TAOK1: variants seen among roughly 807,000 people sequenced by gnomAD.
TAOK1 encodes TAO kinase 1.
In TAOK1, 21 loss-of-function variants were observed where a neutral mutation model predicts 138.3. The ratio of observed to expected loss-of-function variants is 0.15; its 90% confidence interval spans 0.11 to 0.22. The LOEUF is 0.22. Among genes scored for constraint, TAOK1 ranks in the 10% least tolerant of loss-of-function variants. The pLI, the probability that TAOK1 is intolerant of heterozygous loss-of-function variation, is 1.00. For missense variants in TAOK1, 651 were observed against 1,227.7 expected, an observed-to-expected ratio of 0.53 and a Z score of 7.02; for synonymous variants, 361 against 398.4, an observed-to-expected ratio of 0.91 and a Z score of 1.12.
chr17:29,517,329 A>G lies in TAOK1; in HGVS notation c.1705-124A>G, dbSNP rs2031836132. The G allele has an allele frequency of 8.4e-6, 7 of 834,470 alleles. No individual in the cohort carries two copies. The East Asian group carries it at 1.8e-4, about 21-fold the overall frequency. 51.7% of individuals were successfully genotyped at this position (834,470 alleles called of 1,614,324 possible). A position where few individuals can be genotyped will look rare whatever the true frequency, so the allele number is the denominator to read the frequency against. On this transcript the variant is annotated intron_variant, in intron 15 of 19. Coordinates refer to ENST00000261716, the MANE Select transcript of TAOK1 (RefSeq NM_020791.4). ...TAGAGACAGTTTCGCCATGTTGGCCAGGCTAGTCTCAAACTCCTGACCTCA... is the reference window on the plus strand; with the variant it reads ...TAGAGACAGTTTCGCCATGTTGGCCGGGCTAGTCTCAAACTCCTGACCTCA...
chr17:29,497,796 G>C (rs992964831), intron 11 of TAOK1, among the ~76,000 whole-genome samples: 1 of 151,034 alleles, frequency 6.6e-6, no homozygotes, highest in Non-Finnish European at 1.5e-5. Context: ...CTTATGAAAG[G>C]CTGATTTAAT....
intron 18 of TAOK1, 195 bp downstream of exon 18, chr17:29,530,814 T>C (rs1393686090): frequency 8.3e-6 from 5 of 601,586 alleles, no homozygotes; most frequent in African/African-American, 7.4e-5. Context: ...TTCTCATTGA[T>C]ACATTTAGAC....
chr17:29,531,028 C>T (rs1239720586), intron 18 of TAOK1, among the ~76,000 whole-genome samples: 2 of 129,334 alleles, frequency 1.5e-5, no homozygotes, highest in Middle Eastern at 5.5e-3. Context: ...GTGGCGCGAT[C>T]TCGGCTCACT....
chr17:29,393,179 T>C (rs1230906204), intron 1 of TAOK1, among the ~76,000 whole-genome samples: 1 of 152,198 alleles, frequency 6.6e-6, no homozygotes, highest in Admixed American at 6.6e-5. Context: ...TATTATGGCT[T>C]GTTGTTGATA....
At position 29,527,786 on chromosome 17, in the gene TAOK1, T is replaced by C. The variant is rs572659371; in HGVS notation, c.2149-2621T>C. On this transcript the variant is annotated intron_variant, in intron 17 of 19. Coordinates refer to ENST00000261716, the MANE Select transcript of TAOK1 (RefSeq NM_020791.4). ...AATGAATGTGTTCTCACTTGTAGGA[T>C]CAACTGGTACACCTTACAGAAACAG... Among the ~76,000 whole-genome samples the C allele has an allele frequency of 3.3e-5, 5 of 152,316 alleles. No individual in the cohort carries two copies. The East Asian group carries it at 9.6e-4, about 29-fold the overall frequency.
Position 29,517,598 on chromosome 17 carries a change from G to T in TAOK1, c.1850G>T (p.Arg617Leu), listed in dbSNP as rs760928461. 6.2e-7 allele frequency: 1 copy of T among 1,613,392 alleles called. No homozygotes were observed. Among genetic ancestry groups the T allele is most frequent in the Non-Finnish European group, 8.5e-7 (1 of 1,180,012 alleles). Reference sequence around the variant, plus strand: ...CAATACCTAGAGCTGGAATGCCGTCGCTTCAAGAGAAGAATGTTACTTGGG... The same window carrying T: ...CAATACCTAGAGCTGGAATGCCGTCTCTTCAAGAGAAGAATGTTACTTGGG... ...QRQYLELECR[R>L]FKRRMLLGRH... Residue 617 changes from arginine to leucine, a missense_variant, in exon 16 of 20, where the codon CGC becomes CTC. Around this residue, in one of 8 missense-constraint regions of TAOK1, gnomAD observed 258 missense variants for 548.9 expected, o/e 0.47. Transcript: ENST00000261716.
intron 1 of TAOK1, among the ~76,000 whole-genome samples, chr17:29,425,230 C>T (rs141946947): frequency 2.7e-3 from 406 of 152,266 alleles, no homozygotes; most frequent in Middle Eastern, 0.01. Context: ...CCACCATGCC[C>T]GGCTAATTTT....
chr17:29,416,540 A>G (rs1258817842), intron 1 of TAOK1, among the ~76,000 whole-genome samples: 1 of 151,800 alleles, frequency 6.6e-6, no homozygotes, highest in Non-Finnish European at 1.5e-5. Flanking sequence ...TAAATATTAC[A>G]TTATTTAATT....
At chr17:29,494,847 A>G (rs977866202) in intron 10 of TAOK1, among the ~76,000 whole-genome samples, 12 of 151,486 alleles carry the variant, frequency 7.9e-5, no homozygotes, top group African/African-American at 1.9e-4. Flanking sequence ...AAAAAAAAAA[A>G]AGAATTCAAG....
At chr17:29,448,040 G>C (rs2030139767) in intron 1 of TAOK1, among the ~76,000 whole-genome samples, 1 of 136,334 alleles carries the variant, frequency 7.3e-6, no homozygotes, top group South Asian at 2.4e-4. Flanking sequence ...ATTATTTTTG[G>C]TATCTTTTAC....
At chr17:29,397,607 C>CGCCAAAAAA (rs60665025) in intron 1 of TAOK1, among the ~76,000 whole-genome samples, 1 of 94,616 alleles carries the variant, frequency 1.1e-5, no homozygotes, top group South Asian at 3.3e-4. Flanking sequence ...CGTCCCCCCC[C>CGCCAAAAAA]AAAAAAATAT....
intron 1 of TAOK1, among the ~76,000 whole-genome samples, chr17:29,397,672 T>TATGCATGTATATTCATGTATG (rs1555555356): frequency 1.7e-5 from 1 of 59,614 alleles, no homozygotes; most frequent in African/African-American, 7.3e-5. Flanking sequence ...ATGATACATG[T>TATGCATGTATATTCATGTATG]ATACATGTAT....
At chr17:29,525,529 C>T (rs1166940769) in intron 17 of TAOK1, among the ~76,000 whole-genome samples, 1 of 152,112 alleles carries the variant, frequency 6.6e-6, no homozygotes, top group Admixed American at 6.6e-5. Context: ...CTCAGCCTCC[C>T]AAGTACCTGG....
At chr17:29,474,853 T>TA (rs61128492) in intron 3 of TAOK1, among the ~76,000 whole-genome samples, 45 of 149,914 alleles carry the variant, frequency 3.0e-4, no homozygotes, top group Admixed American at 4.6e-4. Flanking sequence ...CAATTTGTTT[T>TA]AAAAAAAAAA....
intron 1 of TAOK1, among the ~76,000 whole-genome samples, chr17:29,404,770 A>G (rs1054556057): frequency 2.6e-5 from 4 of 152,154 alleles, no homozygotes; most frequent in Non-Finnish European, 5.9e-5. Flanking sequence ...AGCTTGGGCA[A>G]CAGTGAGACC....
chr17:29,398,546 A>G (rs1461988754), intron 1 of TAOK1, among the ~76,000 whole-genome samples: 1 of 120,286 alleles, frequency 8.3e-6, no homozygotes, highest in Admixed American at 8.6e-5. Context: ...TTTCTTTTTT[A>G]GAGATGGAGT....
At chr17:29,510,114 C>CG (rs1466344689) in intron 14 of TAOK1, among the ~76,000 whole-genome samples, 1 of 151,692 alleles carries the variant, frequency 6.6e-6, no homozygotes, top group African/African-American at 2.4e-5. Context: ...TGGTGGCTCA[C>CG]GCCTGTAATC....
In TAOK1 at chr17:29,456,731, TTTTTG is replaced by T. The variant is rs959441536; in HGVS notation, c.132+5066_132+5070del. On this transcript the variant is annotated intron_variant, in intron 2 of 19. Transcript: ENST00000261716. Reference sequence around the variant, plus strand: ...ATGTTCTCATATAGTTCTATTTCTTTTTTTGTTTTGTTTTGTTTTTAAAACGGAGT... The same window carrying T: ...ATGTTCTCATATAGTTCTATTTCTTTTTTTGTTTTGTTTTTAAAACGGAGT... Among the ~76,000 whole-genome samples, 41 of 150,636 alleles carry T rather than the reference TTTTTG, an allele frequency of 2.7e-4. 3 individuals are homozygous for T. The highest frequency in any genetic ancestry group is 8.3e-4 in the African/African-American group (33 of 39,970).
At chr17:29,529,418 C>T (rs1199032569) in intron 17 of TAOK1, among the ~76,000 whole-genome samples, 2 of 152,046 alleles carry the variant, frequency 1.3e-5, no homozygotes, top group Non-Finnish European at 2.9e-5. Flanking sequence ...AGGGAAACTC[C>T]ATCACTAACA....
Sources: allele counts gnomAD v4.1 joint callset (sites outside exome capture counted in the v4.1 genomes callset), GRCh38; gene constraint gnomAD v4.1.1; regional missense constraint gnomAD v4.1.1; transcripts MANE v1.5; gene names NCBI Gene and HGNC (gene_info 2026-07-23, HGNC 2026-07-21).